The following MBP variants were observed in gnomAD, a reference collection of about 807,000 sequenced individuals.
The protein encoded by MBP is myelin basic protein.
A neutral mutation model predicts 35.8 loss-of-function variants in MBP; 16 were observed. That is an observed-to-expected ratio of 0.45 (90% CI 0.30 to 0.68). MBP has a LOEUF of 0.68. Ranked by LOEUF, MBP falls within the 30% of genes least tolerant of loss-of-function variation. The pLI is 0.08. For missense variants in MBP, 380 were observed against 404.7 expected, an observed-to-expected ratio of 0.94 and a Z score of 0.52; for synonymous variants, 143 against 159.6, an observed-to-expected ratio of 0.90 and a Z score of 0.78.
intron 7 of MBP, chr18:76,986,293 C>A: frequency 1.0e-6 from 1 of 985,530 alleles, no homozygotes; most frequent in Non-Finnish European, 1.2e-6. Context: ...ACCAGACTGT[C>A]CCTCCTCTAT....
chr18:77,043,237 C>G lies in MBP; in HGVS notation c.139+23061G>C, dbSNP rs935797387. On this transcript the variant is annotated intron_variant, in intron 3 of 8. Transcript: ENST00000355994. ...CTAACTTAATCACAATGGGCACTTA[C>G]AATAATCTTTCACCTTTTTTTGCGT... 3.9e-5 allele frequency among the ~76,000 whole-genome samples: 6 copies of G among 152,126 alleles called. No individual in the cohort carries two copies. The East Asian group carries it at 9.6e-4, about 24-fold the overall frequency.
intron 1 of MBP, among the ~76,000 whole-genome samples, chr18:77,117,514 A>G (rs1359079996): frequency 6.6e-6 from 1 of 152,176 alleles, no homozygotes; most frequent in Non-Finnish European, 1.5e-5. Flanking sequence ...CAAGGGGTAA[A>G]GAACAGGGTT....
Position 77,057,824 on chromosome 18 carries a change from G to GTTTTTTTTTTTTTTT in MBP, c.139+8459_139+8473dup, listed in dbSNP as rs780881071. Among the ~76,000 whole-genome samples the GTTTTTTTTTTTTTTT allele has an allele frequency of 5.5e-3, 51 of 9,198 alleles. 22 individuals carry two copies. Among genetic ancestry groups the GTTTTTTTTTTTTTTT allele is most frequent in the African/African-American group, 0.028 (34 of 1,208 alleles). The allele number at this position is 9,198 out of a possible 152,430, so 6.0% of individuals were successfully genotyped here. ...GGGACACCTGAGGAAGGCGGGGAGT[G>GTTTTTTTTTTTTTTT]TTTTTTTTTTTTTTTTTTTTGAGAC... On this transcript the variant is annotated intron_variant, in intron 3 of 8. Coordinates refer to ENST00000355994, the MANE Select transcript of MBP (RefSeq NM_001025101.2).
At chr18:77,115,308 T>C (rs1976623209) in intron 1 of MBP, 1 of 152,254 alleles carries the variant, frequency 6.6e-6, no homozygotes, top group Non-Finnish European at 1.5e-5. Context: ...ACACATTCCT[T>C]GCCAGCAGGC....
At chr18:77,024,473 C>A (rs1324858939) in intron 3 of MBP, among the ~76,000 whole-genome samples, 6 of 152,198 alleles carry the variant, frequency 3.9e-5, no homozygotes, top group Admixed American at 1.3e-4. Flanking sequence ...CTCTGAAGTT[C>A]CAGAATACAG....
chr18:76,994,452 C>T (rs1372101422), intron 4 of MBP, among the ~76,000 whole-genome samples: 1 of 152,212 alleles, frequency 6.6e-6, no homozygotes, highest in Non-Finnish European at 1.5e-5. Flanking sequence ...CTCAGTCACG[C>T]TATGCAGATC....
chr18:77,029,281 CG>C (rs1278260536), intron 3 of MBP, among the ~76,000 whole-genome samples: 7 of 149,758 alleles, frequency 4.7e-5, no homozygotes, highest in African/African-American at 1.7e-4. Context: ...CGTGGCGGCG[CG>C]CGCCTGCAAT....
intron 3 of MBP, among the ~76,000 whole-genome samples, chr18:77,026,788 C>A (rs970107960): frequency 6.6e-6 from 1 of 152,152 alleles, no homozygotes; most frequent in African/African-American, 2.4e-5. Flanking sequence ...ATCACTTAAG[C>A]CCAGGAAGTT....
intron 2 of MBP, among the ~76,000 whole-genome samples, chr18:77,089,513 A>AG (rs1430377946): frequency 2.0e-5 from 3 of 152,218 alleles, no homozygotes; most frequent in African/African-American, 4.8e-5. Context: ...AGAAGCCCTG[A>AG]GGGGCAGCAG....
At chr18:77,072,984 C>T (rs1974512152) in intron 2 of MBP, among the ~76,000 whole-genome samples, 1 of 152,210 alleles carries the variant, frequency 6.6e-6, no homozygotes, top group South Asian at 2.1e-4. Flanking sequence ...AATCTTCGCC[C>T]ACTGCCATTG....
chr18:77,033,533 T>C (rs780359756), intron 3 of MBP, among the ~76,000 whole-genome samples: 6 of 152,000 alleles, frequency 3.9e-5, no homozygotes, highest in Admixed American at 1.3e-4. Flanking sequence ...TAAGGCCCTA[T>C]ACAGTTTTCA....
chr18:77,033,794 C>CCACCCACT (rs1972637365), intron 3 of MBP, among the ~76,000 whole-genome samples: 1 of 43,618 alleles, frequency 2.3e-5, no homozygotes, highest in African/African-American at 1.5e-4. Flanking sequence ...ATCCATCCAT[C>CCACCCACT]CACCCACTCA....
chr18:77,093,709 T>C (rs943232397), intron 2 of MBP, among the ~76,000 whole-genome samples: 1 of 152,182 alleles, frequency 6.6e-6, no homozygotes, highest in African/African-American at 2.4e-5. Context: ...TTCTCTGATA[T>C]CACTAAGAAA....
chr18:77,054,272 C>T (rs910935478), intron 3 of MBP, among the ~76,000 whole-genome samples: 6 of 152,240 alleles, frequency 3.9e-5, no homozygotes, highest in Admixed American at 1.3e-4. Context: ...AGCCCACCTG[C>T]GCTGACACAG....
intron 1 of MBP, among the ~76,000 whole-genome samples, chr18:77,122,418 G>A (rs946576578): frequency 3.9e-5 from 6 of 152,162 alleles, no homozygotes; most frequent in South Asian, 2.1e-4. Flanking sequence ...CTAGAGTCCC[G>A]AGAAGTCTCT....
intron 4 of MBP, chr18:77,014,648 G>C (rs1334361447): frequency 1.0e-6 from 1 of 985,310 alleles, no homozygotes. Context: ...GGGCCATTGC[G>C]GGTCTGTAGC....
chr18:77,016,727 C>A, intron 4 of MBP, 105 bp downstream of exon 4: 1 of 1,500,090 alleles, frequency 6.7e-7, no homozygotes, highest in Non-Finnish European at 8.9e-7. Context: ...CCTTAGACAG[C>A]AAGAGGCTAC....
chr18:76,989,613 C>A lies in MBP; in HGVS notation c.681+343G>T, dbSNP rs1285644176. ...AAATGCCCTAAAAATGCCCTGTGCT[C>A]TCTCTGCTGCCCCCTCCGCTCCCAG... On this transcript the variant is annotated intron_variant, in intron 5 of 8. Coordinates refer to ENST00000355994, the MANE Select transcript of MBP (RefSeq NM_001025101.2). This position sits in a 1 kb window ranked among gnomAD's most constrained non-coding sequence, Gnocchi z 4.0. 4 of 298,386 alleles carry A rather than the reference C, an allele frequency of 1.3e-5. No individual in the cohort carries two copies. Among genetic ancestry groups the A allele is most frequent in the Non-Finnish European group, 2.6e-5 (4 of 155,782 alleles). 18.5% of individuals were successfully genotyped at this position (298,386 alleles called of 1,614,324 possible). A position where few individuals can be genotyped will look rare whatever the true frequency, so the allele number is the denominator to read the frequency against.
chr18:76,984,554 T>C (rs1485624741), intron 8 of MBP: 4 of 596,672 alleles, frequency 6.7e-6, no homozygotes, highest in Non-Finnish European at 1.1e-5. Flanking sequence ...GGCGCAGCCC[T>C]TCCTCAAGCA....
Sources: allele counts gnomAD v4.1 joint callset (sites outside exome capture counted in the v4.1 genomes callset), GRCh38; gene constraint gnomAD v4.1.1; non-coding constraint Gnocchi (gnomAD v3.1); transcripts MANE v1.5; gene names NCBI Gene and HGNC (gene_info 2026-07-23, HGNC 2026-07-21).